Variants in SOX5 observed in about 807,000 individuals in gnomAD.
The protein encoded by SOX5 is SRY-box transcription factor 5.
Under a neutral mutation model 92.0 loss-of-function variants are expected in SOX5, and 9 were observed. The observed-to-expected ratio is 0.10, with a 90% CI of 0.06 to 0.17. SOX5 has a LOEUF of 0.17. Ranked by LOEUF, SOX5 falls within the 10% of genes least tolerant of loss-of-function variation. SOX5 has a pLI of 1.00. For synonymous variants in SOX5, 344 were observed against 336.3 expected, an observed-to-expected ratio of 1.02 and a Z score of -0.25; for missense variants, 642 against 944.5, an observed-to-expected ratio of 0.68 and a Z score of 4.20.
chr12:24,319,971 A>G (rs550739707), intron 2 of SOX5, among the ~76,000 whole-genome samples: 4 of 152,164 alleles, frequency 2.6e-5, no homozygotes, highest in Non-Finnish European at 5.9e-5. Context: ...ACACATGCTT[A>G]TGTTATCACT....
chr12:23,880,505 A>T (rs1219621893), intron 2 of SOX5, among the ~76,000 whole-genome samples: 1 of 152,218 alleles, frequency 6.6e-6, no homozygotes, highest in African/African-American at 2.4e-5. Context: ...AAAACACAAG[A>T]AGGGAATATC....
At chr12:23,556,345 T>C (rs61923840) in intron 11 of SOX5, among the ~76,000 whole-genome samples, 21,662 of 152,190 alleles carry the variant, frequency 0.14, 1,782 homozygotes, top group Non-Finnish European at 0.17. Flanking sequence ...CAACTTCAGG[T>C]TTTGTGTATC....
intron 1 of SOX5, among the ~76,000 whole-genome samples, chr12:24,548,640 A>G (rs1952872620): frequency 6.6e-6 from 1 of 152,198 alleles, no homozygotes; most frequent in Non-Finnish European, 1.5e-5. Flanking sequence ...GTATCCCAAT[A>G]GGTTAGTGGA....
chr12:24,456,423 T>C (rs1943026014), intron 1 of SOX5, among the ~76,000 whole-genome samples: 1 of 152,188 alleles, frequency 6.6e-6, no homozygotes, highest in African/African-American at 2.4e-5. Context: ...ATATCATATT[T>C]CTAGAAACTC....
intron 9 of SOX5, among the ~76,000 whole-genome samples, chr12:23,588,472 G>A (rs1356573818): frequency 1.3e-5 from 2 of 151,834 alleles, no homozygotes; most frequent in Admixed American, 6.6e-5. Flanking sequence ...TGTAATGCTC[G>A]TTTAATTTTT....
At chr12:24,175,046 A>G (rs1430155514) in intron 4 of SOX5, among the ~76,000 whole-genome samples, 2 of 152,238 alleles carry the variant, frequency 1.3e-5, no homozygotes, top group African/African-American at 4.8e-5. Context: ...CTCAAAGCTC[A>G]GAAGTGTATT....
intron 2 of SOX5, among the ~76,000 whole-genome samples, chr12:23,855,858 TC>T (rs1225890998): frequency 2.6e-5 from 4 of 152,092 alleles, no homozygotes; most frequent in African/African-American, 9.7e-5. Flanking sequence ...CTAAAATCAG[TC>T]CGCTCTGTTA....
At chr12:23,828,702 A>C (rs1015582886) in intron 3 of SOX5, among the ~76,000 whole-genome samples, 3 of 152,120 alleles carry the variant, frequency 2.0e-5, no homozygotes, top group Non-Finnish European at 2.9e-5. Context: ...CCTTGGAAGC[A>C]ATTAATATAA....
chr12:24,278,152 G>C (rs74068486), intron 2 of SOX5, among the ~76,000 whole-genome samples: 7,931 of 152,152 alleles, frequency 0.052, 718 homozygotes, highest in African/African-American at 0.18. Context: ...GTAATCTCTT[G>C]GGTGTTTATT....
At chr12:23,771,650 T>C (rs1048391563) in intron 3 of SOX5, among the ~76,000 whole-genome samples, 9 of 152,250 alleles carry the variant, frequency 5.9e-5, no homozygotes, top group African/African-American at 2.2e-4. Flanking sequence ...CATGTCACTT[T>C]ATTACATACA....
chr12:23,842,223 T>A (rs2096527214), intron 3 of SOX5, among the ~76,000 whole-genome samples: 1 of 152,170 alleles, frequency 6.6e-6, no homozygotes, highest in Non-Finnish European at 1.5e-5. Context: ...GATACTCTTC[T>A]ACATGTATAC....
At chr12:24,386,986 G>A (rs1489745725) in intron 1 of SOX5, among the ~76,000 whole-genome samples, 2 of 152,172 alleles carry the variant, frequency 1.3e-5, no homozygotes, top group African/African-American at 4.8e-5. Context: ...TGGTTTATTT[G>A]GACATTGTCC....
At chr12:23,760,726 C>T (rs1337992304) in intron 3 of SOX5, among the ~76,000 whole-genome samples, 15 of 152,030 alleles carry the variant, frequency 9.9e-5, no homozygotes, top group South Asian at 2.1e-4. Flanking sequence ...CTCTTAAGAC[C>T]GACTCCCTCA....
chr12:23,539,171 A>G (rs1442988617), intron 13 of SOX5, among the ~76,000 whole-genome samples: 2 of 152,152 alleles, frequency 1.3e-5, no homozygotes, highest in Non-Finnish European at 2.9e-5. Context: ...CTATACGCCA[A>G]AAGGCTTTGG....
intron 1 of SOX5, among the ~76,000 whole-genome samples, chr12:24,500,654 T>C (rs1948100893): frequency 6.6e-6 from 1 of 152,184 alleles, no homozygotes; most frequent in Admixed American, 6.5e-5. Context: ...TTCCCAACAT[T>C]GAAGAATATT....
intron 4 of SOX5, among the ~76,000 whole-genome samples, chr12:24,080,237 C>A (rs1029103372): frequency 6.6e-6 from 1 of 151,506 alleles, no homozygotes; most frequent in Non-Finnish European, 1.5e-5. Context: ...TAGTCAGAAA[C>A]AGTATTAATA....
chr12:23,776,647 G>A (rs545603207), intron 3 of SOX5, among the ~76,000 whole-genome samples: 2 of 152,218 alleles, frequency 1.3e-5, no homozygotes, highest in South Asian at 4.1e-4. Flanking sequence ...TGGTGGAAGG[G>A]AGGATAATTT....
intron 1 of SOX5, among the ~76,000 whole-genome samples, chr12:24,384,539 T>A (rs1958173126): frequency 6.6e-6 from 1 of 152,124 alleles, no homozygotes; most frequent in Non-Finnish European, 1.5e-5. Flanking sequence ...TGAAAATTCT[T>A]GACTTAAGAG....
chr12:24,319,358 ATTTC>A (rs771808029), intron 2 of SOX5, among the ~76,000 whole-genome samples: 2 of 152,276 alleles, frequency 1.3e-5, no homozygotes, highest in Admixed American at 6.5e-5. Flanking sequence ...GTCATTAAAT[ATTTC>A]TTTGTTTCCA....
Sources: gnomAD v4.1 joint callset for allele counts (sites outside exome capture counted in the v4.1 genomes callset) on GRCh38, gnomAD v4.1.1 for gene constraint, MANE v1.5 for transcripts, NCBI Gene and HGNC (gene_info 2026-07-23, HGNC 2026-07-21) for gene names.